The following AOPEP variants were observed in gnomAD, a reference collection of about 807,000 sequenced individuals.
AOPEP encodes the protein aminopeptidase O.
AOPEP carries 77 observed loss-of-function variants against 98.1 expected under a neutral mutation model. That is an observed-to-expected ratio of 0.78 (90% CI 0.65 to 0.95). AOPEP has a LOEUF of 0.95. AOPEP is among the 40% of genes least tolerant of loss of function. AOPEP has a pLI of 0.00. For synonymous variants in AOPEP, 346 were observed against 365.3 expected (o/e 0.95, Z 0.60); for missense variants, 1,024 against 1,024.7 (o/e 1.00, Z 0.01).
At chr9:94,979,312 A>G in intron 10 of AOPEP, 55 bp from the exon 11 acceptor site, 1 of 1,179,832 alleles carries the variant, frequency 8.5e-7, no homozygotes, top group Non-Finnish European at 1.2e-6. Flanking sequence ...CAGTCTGTGT[A>G]ATAAGCGCTC....
At chr9:94,895,267 G>T (rs193286644) in intron 5 of AOPEP, among the ~76,000 whole-genome samples, 1 of 150,864 alleles carries the variant, frequency 6.6e-6, no homozygotes, top group Admixed American at 6.6e-5. Flanking sequence ...GGGCATGGTG[G>T]TGTGCACCTG....
chr9:94,800,213 T>C (rs960231083), intron 4 of AOPEP, among the ~76,000 whole-genome samples: 1 of 152,252 alleles, frequency 6.6e-6, no homozygotes, highest in African/African-American at 2.4e-5. Flanking sequence ...TTTAGATTAC[T>C]ATTCAGTAAA....
rs112034961 is a variant in AOPEP, at chr9:94,915,739, C to T, written c.1365-8247C>T. Among the ~76,000 whole-genome samples, 539 of 152,370 alleles carry T rather than the reference C, an allele frequency of 3.5e-3. 4 individuals carry two copies. The Middle Eastern group carries it at 0.065, about 18-fold the overall frequency. On this transcript the variant is annotated intron_variant, in intron 5 of 16. Coordinates refer to ENST00000375315, the MANE Select transcript of AOPEP (RefSeq NM_001193329.3). ...CTTTCACCAGCCCAGCAGGGCAAGT[C>T]AACAGCTTCCTGACCCTACCTTGGA...
chr9:95,036,496 CT>C (rs1406665504), intron 13 of AOPEP, among the ~76,000 whole-genome samples: 1 of 152,010 alleles, frequency 6.6e-6, no homozygotes, highest in Non-Finnish European at 1.5e-5. Flanking sequence ...GGTATTTAAT[CT>C]TTTTTAAAAG....
chr9:95,114,978 G>C, the AOPEP span, among the ~76,000 whole-genome samples: 1 of 152,132 alleles, frequency 6.6e-6, no homozygotes. Flanking sequence ...GATCTTGCTT[G>C]GTCAGAGGCT....
rs72750339 is a variant in AOPEP at position 94,953,858 on chromosome 9, A to G, written c.1662-1319A>G. ...AATACCTCCTCACTTATTTTGATTC[A>G]GCTGTTGAAGCTATACTGTAACACT... On this transcript the variant is annotated intron_variant, in intron 7 of 16. Coordinates refer to ENST00000375315, the MANE Select transcript of AOPEP (RefSeq NM_001193329.3). Among the ~76,000 whole-genome samples the G allele has an allele frequency of 2.3e-3, 345 of 152,304 alleles. 1 individual carries two copies. The highest frequency in any genetic ancestry group is 4.2e-3 in the Non-Finnish European group (285 of 68,026).
At chr9:95,122,171 C>T in the AOPEP span, among the ~76,000 whole-genome samples, 140 of 152,160 alleles carry the variant, frequency 9.2e-4, 2 homozygotes, top group East Asian at 0.013. Context: ...AAAATTCAAA[C>T]CAGAGGTTAC....
At chr9:95,077,112 C>T (rs1041359919) in intron 14 of AOPEP, among the ~76,000 whole-genome samples, 1 of 152,214 alleles carries the variant, frequency 6.6e-6, no homozygotes, top group Non-Finnish European at 1.5e-5. Context: ...ACAGCTGCTC[C>T]CCTGCAGACG....
At chr9:94,771,072 C>T (rs1840759551) in intron 2 of AOPEP, among the ~76,000 whole-genome samples, 1 of 152,116 alleles carries the variant, frequency 6.6e-6, no homozygotes, top group Non-Finnish European at 1.5e-5. Context: ...GGTATGGAAG[C>T]TGATGGAGGC....
chr9:95,148,724 T>C, the AOPEP span, among the ~76,000 whole-genome samples: 3 of 152,188 alleles, frequency 2.0e-5, no homozygotes, highest in Non-Finnish European at 2.9e-5. Flanking sequence ...ATTATGTGTG[T>C]TGGCAAAAAA....
chr9:94,935,786 C>T lies in AOPEP; in HGVS notation c.1661+7255C>T, dbSNP rs532063211. Among the ~76,000 whole-genome samples the T allele has an allele frequency of 2.6e-5, 4 of 152,310 alleles. 1 individual carries two copies. The South Asian group carries it at 8.3e-4, about 32-fold the overall frequency. On this transcript the variant is annotated intron_variant, in intron 7 of 16. Transcript: ENST00000375315. ...GTCTCCACCAGCAGCCCCACTCTCTCTAAAGATCAAGCGTGAATGCTTAAC... is the reference window on the plus strand; with the variant it reads ...GTCTCCACCAGCAGCCCCACTCTCTTTAAAGATCAAGCGTGAATGCTTAAC...
chr9:94,904,597 G>A (rs2050877327), intron 5 of AOPEP: 1 of 152,124 alleles, frequency 6.6e-6, no homozygotes, highest in East Asian at 1.9e-4. Context: ...TAAGAATTTT[G>A]TTTTGCTCTA....
intron 5 of AOPEP, among the ~76,000 whole-genome samples, chr9:94,907,802 G>A (rs995434018): frequency 1.3e-5 from 2 of 152,144 alleles, no homozygotes; most frequent in Non-Finnish European, 2.9e-5. Flanking sequence ...TGAAGGCAGC[G>A]TGGCCTACAG....
intron 5 of AOPEP, among the ~76,000 whole-genome samples, chr9:94,801,741 C>A (rs1848262720): frequency 6.6e-6 from 1 of 152,114 alleles, no homozygotes; most frequent in South Asian, 2.1e-4. Context: ...GGTTATATTT[C>A]CATTTTAAAA....
chr9:95,123,854 C>A, the AOPEP span: 1 of 613,676 alleles, frequency 1.6e-6, no homozygotes, highest in Non-Finnish European at 3.1e-6. Context: ...ACAACCCCCA[C>A]CAAAGCCCAC....
the AOPEP span, among the ~76,000 whole-genome samples, chr9:95,115,277 T>C: frequency 7.2e-5 from 11 of 152,166 alleles, no homozygotes; most frequent in Non-Finnish European, 1.5e-4. Context: ...TGGAAGTAGC[T>C]AGAGATTGCA....
At chr9:94,863,846 C>T (rs1048203532) in intron 5 of AOPEP, among the ~76,000 whole-genome samples, 4 of 152,272 alleles carry the variant, frequency 2.6e-5, no homozygotes, top group African/African-American at 9.6e-5. Context: ...GAGTGAAAGG[C>T]CTGCACCAAC....
chr9:94,855,724 G>T (rs1024392397), intron 5 of AOPEP, among the ~76,000 whole-genome samples: 1 of 152,102 alleles, frequency 6.6e-6, no homozygotes, highest in Non-Finnish European at 1.5e-5. Flanking sequence ...AAATTGTGGG[G>T]CATCTTGTTT....
chr9:94,886,801 A>G (rs1482903262), intron 5 of AOPEP, among the ~76,000 whole-genome samples: 1 of 152,190 alleles, frequency 6.6e-6, no homozygotes, highest in Non-Finnish European at 1.5e-5. Flanking sequence ...AAAATTCTTT[A>G]AAGTACCCAC....
Sources: allele counts gnomAD v4.1 joint callset (sites outside exome capture counted in the v4.1 genomes callset), GRCh38; gene constraint gnomAD v4.1.1; transcripts MANE v1.5; gene names NCBI Gene and HGNC (gene_info 2026-07-23, HGNC 2026-07-21).